KLF12: variants seen among roughly 807,000 people sequenced by gnomAD.
KLF12 encodes Krueppel-like factor 12.
In KLF12, 9 loss-of-function variants were observed where a neutral mutation model predicts 37.8. The observed-to-expected ratio is 0.24, with a 90% CI of 0.14 to 0.42. The LOEUF is 0.42. KLF12 is among the 10% of genes least tolerant of loss of function. KLF12 has a pLI of 1.00. For synonymous variants in KLF12, 208 were observed against 202.1 expected, an observed-to-expected ratio of 1.03 and a Z score of -0.25; for missense variants, 411 against 516.0, an observed-to-expected ratio of 0.80 and a Z score of 1.97.
rs144151440 is a variant in KLF12 at position 73,894,131 on chromosome 13, C to T, written c.124-47758G>A. On this transcript the variant is annotated intron_variant, in intron 3 of 7. Transcript: ENST00000377669. ...GTTGTCTGTCAATGCCTTCCATTGG[C>T]TGAACCTACTTGGAGGCAAGTGAGC... 3.2e-3 allele frequency among the ~76,000 whole-genome samples: 482 copies of T among 152,252 alleles called. 2 individuals carry two copies. Among genetic ancestry groups the T allele is most frequent in the African/African-American group, 0.011 (460 of 41,532 alleles).
At chr13:73,787,715 T>C (rs917167233) in intron 5 of KLF12, among the ~76,000 whole-genome samples, 2 of 152,192 alleles carry the variant, frequency 1.3e-5, no homozygotes, top group Non-Finnish European at 2.9e-5. Flanking sequence ...TAGTGGGCAG[T>C]GGAGCATCCA....
At chr13:73,938,306 G>T (rs1049460877) in intron 3 of KLF12, among the ~76,000 whole-genome samples, 1 of 152,052 alleles carries the variant, frequency 6.6e-6, no homozygotes, top group South Asian at 2.1e-4. Flanking sequence ...TAATTGTTGG[G>T]TTTTTTCCCC....
At chr13:73,808,128 T>C (rs957487413) in intron 5 of KLF12, among the ~76,000 whole-genome samples, 2 of 152,160 alleles carry the variant, frequency 1.3e-5, no homozygotes, top group Admixed American at 6.5e-5. Context: ...CAAACACTTA[T>C]TTCATAACTA....
At chr13:73,967,396 T>TGATG (rs1891200362) in intron 2 of KLF12, among the ~76,000 whole-genome samples, 1 of 152,124 alleles carries the variant, frequency 6.6e-6, no homozygotes, top group East Asian at 1.9e-4. Context: ...ATACAGTGGA[T>TGATG]GATGTGTAAA....
chr13:74,295,523 A>G, the KLF12 span, among the ~76,000 whole-genome samples: 1 of 152,046 alleles, frequency 6.6e-6, no homozygotes, highest in Non-Finnish European at 1.5e-5. Flanking sequence ...TTCAAAATAT[A>G]CTTGCTGTAA....
the KLF12 span, among the ~76,000 whole-genome samples, chr13:74,171,150 C>CAAA: frequency 6.6e-6 from 1 of 152,166 alleles, no homozygotes. Flanking sequence ...AACCAGGTCT[C>CAAA]CTGATGCCAA....
chr13:74,079,331 T>C (rs919212699), intron 1 of KLF12, among the ~76,000 whole-genome samples: 16 of 152,162 alleles, frequency 1.1e-4, no homozygotes, highest in Admixed American at 6.5e-5. Context: ...AATGTGAATA[T>C]ACTTGATGCT....
chr13:74,135,173 C>T (rs935474627), upstream of KLF12, among the ~76,000 whole-genome samples: 1 of 151,890 alleles, frequency 6.6e-6, no homozygotes, highest in Non-Finnish European at 1.5e-5. Context: ...TTCACCTTGG[C>T]GGGATGAATG....
At chr13:73,922,903 T>C (rs1386126685) in intron 3 of KLF12, among the ~76,000 whole-genome samples, 2 of 152,128 alleles carry the variant, frequency 1.3e-5, no homozygotes, top group East Asian at 1.9e-4. Context: ...GCCTCCTCTG[T>C]AGGGTGGCTT....
At chr13:74,197,636 G>A in the KLF12 span, among the ~76,000 whole-genome samples, 1 of 152,042 alleles carries the variant, frequency 6.6e-6, no homozygotes, top group African/African-American at 2.4e-5. Context: ...GTAAGATGAG[G>A]GTAATAGTAA....
intron 1 of KLF12, among the ~76,000 whole-genome samples, chr13:74,116,235 A>C (rs964543427): frequency 6.6e-6 from 1 of 152,186 alleles, no homozygotes; most frequent in South Asian, 2.1e-4. Context: ...ATTACTTAAC[A>C]CAATGCCCAA....
the KLF12 span, among the ~76,000 whole-genome samples, chr13:74,244,282 A>G: frequency 6.6e-6 from 1 of 152,160 alleles, no homozygotes; most frequent in African/African-American, 2.4e-5. Flanking sequence ...TTATTTATAA[A>G]CTACAGATGA....
At chr13:73,697,131 A>G (rs1161984949) in intron 7 of KLF12, among the ~76,000 whole-genome samples, 1 of 152,074 alleles carries the variant, frequency 6.6e-6, no homozygotes, top group African/African-American at 2.4e-5. Flanking sequence ...ACACATAGGA[A>G]CATATATGGT....
chr13:73,972,921 TGTATCTATC>T (rs1216565487), intron 2 of KLF12, among the ~76,000 whole-genome samples: 8 of 151,976 alleles, frequency 5.3e-5, no homozygotes, highest in Non-Finnish European at 8.8e-5. Flanking sequence ...ATGCAGCATA[TGTATCTATC>T]GTATAAACAC....
chr13:73,755,347 G>A (rs1566345124), intron 6 of KLF12, among the ~76,000 whole-genome samples: 1 of 151,430 alleles, frequency 6.6e-6, no homozygotes, highest in East Asian at 1.9e-4. Flanking sequence ...GGATGGAAGA[G>A]AAGATTTAAA....
At chr13:74,252,886 A>C in the KLF12 span, among the ~76,000 whole-genome samples, 1 of 152,180 alleles carries the variant, frequency 6.6e-6, no homozygotes, top group African/African-American at 2.4e-5. Context: ...TTATTCCAGC[A>C]AAAAACTAGA....
chr13:73,938,982 T>C (rs545229620), intron 3 of KLF12, among the ~76,000 whole-genome samples: 10 of 152,310 alleles, frequency 6.6e-5, no homozygotes, highest in African/African-American at 2.2e-4. Context: ...TTCCACTCAA[T>C]TACTGACTGC....
At chr13:74,054,576 G>T (rs1401890968) in intron 1 of KLF12, among the ~76,000 whole-genome samples, 3 of 152,096 alleles carry the variant, frequency 2.0e-5, no homozygotes, top group Non-Finnish European at 4.4e-5. Flanking sequence ...TTTTACAAAT[G>T]AAAAAACAAC....
intron 1 of KLF12, among the ~76,000 whole-genome samples, chr13:74,096,171 T>C (rs1343626157): frequency 1.3e-5 from 2 of 152,240 alleles, no homozygotes; most frequent in Non-Finnish European, 2.9e-5. Context: ...AAAACTTCCA[T>C]TTGAATTGCT....
Sources: gnomAD v4.1 joint callset for allele counts (sites outside exome capture counted in the v4.1 genomes callset) on GRCh38, gnomAD v4.1.1 for gene constraint, MANE v1.5 for transcripts, NCBI Gene and HGNC (gene_info 2026-07-23, HGNC 2026-07-21) for gene names.